Variants in CSGALNACT1 observed in about 807,000 individuals in gnomAD.
CSGALNACT1 encodes chondroitin sulfate N-acetylgalactosaminyltransferase 1.
Under a neutral mutation model 51.0 loss-of-function variants are expected in CSGALNACT1, and 52 were observed. The ratio of observed to expected loss-of-function variants is 1.02; its 90% CI spans 0.82 to 1.29. The LOEUF (loss-of-function observed/expected upper bound fraction) is 1.29, where lower values mean the gene tolerates loss of function less well. Ranked by LOEUF, CSGALNACT1 falls within the 50% of genes most tolerant of loss-of-function variation. The pLI, the probability that CSGALNACT1 is intolerant of heterozygous loss-of-function variation, is 0.00. For synonymous variants in CSGALNACT1, 341 were observed against 254.4 expected (o/e 1.34, Z -3.24); for missense variants, 935 against 679.2 (o/e 1.38, Z -4.19).
intron 8 of CSGALNACT1, among the ~76,000 whole-genome samples, chr8:19,412,917 C>T (rs1367872868): frequency 1.3e-5 from 2 of 152,138 alleles, no homozygotes; most frequent in African/African-American, 4.8e-5. Flanking sequence ...TGCATGCCCT[C>T]TTCTTGTGGC....
chr8:19,607,645 G>A (rs545988163), intron 1 of CSGALNACT1, among the ~76,000 whole-genome samples: 2 of 152,282 alleles, frequency 1.3e-5, no homozygotes, highest in African/African-American at 4.8e-5. Context: ...AGCCTAATGA[G>A]GCCTGAACAG....
intron 1 of CSGALNACT1, among the ~76,000 whole-genome samples, chr8:19,670,183 C>G (rs984793132): frequency 6.6e-6 from 1 of 152,190 alleles, no homozygotes; most frequent in African/African-American, 2.4e-5. Context: ...TGTTTTTGCA[C>G]TTATAATCCC....
chr8:19,630,279 G>C (rs1278045073), intron 1 of CSGALNACT1, among the ~76,000 whole-genome samples: 1 of 150,778 alleles, frequency 6.6e-6, no homozygotes, highest in Non-Finnish European at 1.5e-5. Flanking sequence ...TATTTGTAAA[G>C]ACTGAAACTT....
intron 3 of CSGALNACT1, among the ~76,000 whole-genome samples, chr8:19,588,227 G>C (rs2047075328): frequency 2.0e-5 from 3 of 151,766 alleles, no homozygotes; most frequent in Admixed American, 2.0e-4. Context: ...GAAAAAAAAA[G>C]ATATATACAT....
intron 4 of CSGALNACT1, among the ~76,000 whole-genome samples, chr8:19,489,906 C>A (rs1164310016): frequency 1.3e-5 from 2 of 152,096 alleles, no homozygotes; most frequent in African/African-American, 4.8e-5. Flanking sequence ...ATTTTCTAGC[C>A]CTGTGTGTTC....
chr8:19,701,488 G>A (rs1171394911), intron 1 of CSGALNACT1, among the ~76,000 whole-genome samples: 1 of 152,040 alleles, frequency 6.6e-6, no homozygotes. Flanking sequence ...AGCAGTGCCA[G>A]CAACTGTGTA....
At chr8:19,701,489 C>A (rs141272983) in intron 1 of CSGALNACT1, among the ~76,000 whole-genome samples, 3 of 152,054 alleles carry the variant, frequency 2.0e-5, no homozygotes, top group Admixed American at 2.0e-4. Context: ...GCAGTGCCAG[C>A]AACTGTGTAC....
chr8:19,676,125 A>G (rs2060175215), intron 1 of CSGALNACT1, among the ~76,000 whole-genome samples: 1 of 151,166 alleles, frequency 6.6e-6, no homozygotes, highest in Non-Finnish European at 1.5e-5. Context: ...AGATTACAAA[A>G]GGAACCAGAG....
chr8:19,415,969 C>G (rs895310952), intron 8 of CSGALNACT1, among the ~76,000 whole-genome samples: 1 of 152,134 alleles, frequency 6.6e-6, no homozygotes, highest in African/African-American at 2.4e-5. Flanking sequence ...CAGGAAAAAT[C>G]TGATGTAAAA....
intron 3 of CSGALNACT1, chr8:19,585,106 G>C (rs992639305): frequency 6.6e-5 from 10 of 152,162 alleles, no homozygotes; most frequent in African/African-American, 1.7e-4. Context: ...GAATACATGA[G>C]AGAATTACAT....
intron 8 of CSGALNACT1, among the ~76,000 whole-genome samples, chr8:19,411,839 T>G (rs1206116400): frequency 6.6e-6 from 1 of 151,726 alleles, no homozygotes; most frequent in Admixed American, 6.6e-5. Context: ...CCTCCTTTTT[T>G]TTTTTTTTTT....
upstream of CSGALNACT1, among the ~76,000 whole-genome samples, chr8:19,685,356 T>C (rs2060912179): frequency 2.0e-5 from 3 of 152,120 alleles, 1 homozygote; most frequent in South Asian, 6.2e-4. Context: ...AAAAATGAGC[T>C]GGGCTTGGTG....
intron 4 of CSGALNACT1, among the ~76,000 whole-genome samples, chr8:19,459,437 C>T (rs1339941058): frequency 7.1e-6 from 1 of 141,736 alleles, no homozygotes; most frequent in East Asian, 2.1e-4. Context: ...TTCAGATGAA[C>T]TGACCATAGT....
intron 4 of CSGALNACT1, among the ~76,000 whole-genome samples, chr8:19,487,423 G>C (rs1335867639): frequency 4.6e-5 from 7 of 152,158 alleles, no homozygotes; most frequent in African/African-American, 1.2e-4. Context: ...GAGGTTCCAG[G>C]ACACGGCCCA....
At chr8:19,680,493 T>G (rs986670603) in intron 1 of CSGALNACT1, among the ~76,000 whole-genome samples, 1 of 147,070 alleles carries the variant, frequency 6.8e-6, no homozygotes, top group Non-Finnish European at 1.5e-5. Flanking sequence ...GAGGTGGAGG[T>G]TGCAGTCAGC....
rs148266669 is a variant in CSGALNACT1, at chr8:19,468,234, C to T, written c.635-9592G>A. 2.0e-4 allele frequency among the ~76,000 whole-genome samples: 30 copies of T among 152,174 alleles called. No individual in the cohort carries two copies. In the South Asian group the frequency reaches 4.6e-3, roughly 23 times the overall value. ...GTTGGCCAAGACAACAACATCAGAGCGAGCATTTTAAGGAAAGATAATCGT... is the reference window on the plus strand; with the variant it reads ...GTTGGCCAAGACAACAACATCAGAGTGAGCATTTTAAGGAAAGATAATCGT... On this transcript the variant is annotated intron_variant, in intron 4 of 9. Coordinates refer to ENST00000454498, the Ensembl canonical transcript of CSGALNACT1.
chr8:19,557,727 T>C (rs569053392), intron 3 of CSGALNACT1, among the ~76,000 whole-genome samples: 6 of 152,298 alleles, frequency 3.9e-5, no homozygotes, highest in African/African-American at 1.4e-4. Flanking sequence ...TTTCCTTGCT[T>C]TATTTTTCTT....
At chr8:19,436,439 C>T (rs2060388536) in intron 6 of CSGALNACT1, among the ~76,000 whole-genome samples, 1 of 152,088 alleles carries the variant, frequency 6.6e-6, no homozygotes, top group African/African-American at 2.4e-5. Context: ...AGTGTCTTTA[C>T]ATGTGAAGTA....
At chr8:19,618,653 AAAAGAAAGAAAG>A (rs71545557) in intron 1 of CSGALNACT1, among the ~76,000 whole-genome samples, 7 of 91,350 alleles carry the variant, frequency 7.7e-5, no homozygotes, top group Admixed American at 2.3e-4. Context: ...AAAAAAAAAA[AAAAGAAAGAAAG>A]AAAGAAAGAA....
Sources: gnomAD v4.1 joint callset for allele counts (sites outside exome capture counted in the v4.1 genomes callset) on GRCh38, gnomAD v4.1.1 for gene constraint, MANE v1.5 for transcripts, NCBI Gene and HGNC (gene_info 2026-07-23, HGNC 2026-07-21) for gene names.